Variants in DAB2IP observed in about 807,000 individuals in gnomAD.
The protein encoded by DAB2IP is DAB2 interacting protein.
Under a neutral mutation model 107.2 loss-of-function variants are expected in DAB2IP, and 28 were observed. The observed-to-expected ratio is 0.26, with a 90% confidence interval of 0.19 to 0.36. DAB2IP has a LOEUF of 0.36. Ranked by LOEUF, DAB2IP falls within the 10% of genes least tolerant of loss-of-function variation. The probability of loss-of-function intolerance (pLI) is 1.00; values close to 1 mark genes in which losing one functional copy is unlikely to be tolerated. For missense variants in DAB2IP, 1,400 were observed against 1,644.7 expected (o/e 0.85, Z 2.57); for synonymous variants, 755 against 706.4 (o/e 1.07, Z -1.09).
intron 1 of DAB2IP, among the ~76,000 whole-genome samples, chr9:121,618,274 G>A (rs1831347846): frequency 1.3e-5 from 2 of 152,196 alleles, no homozygotes; most frequent in Admixed American, 1.3e-4. Flanking sequence ...GAGGGTGCTG[G>A]CCCCAGAAGA....
chr9:121,772,696 C>A lies in DAB2IP; in HGVS notation c.2168C>A (p.Pro723His). 1 of 1,614,062 alleles carries A rather than the reference C, an allele frequency of 6.2e-7. No individual in the cohort carries two copies. Among genetic ancestry groups the A allele is most frequent in the Non-Finnish European group, 8.5e-7 (1 of 1,180,026 alleles). ...AGGTCCTCCGGGGTCCAGCCCTCAC[C>A]TGCCCGCAGCTCGAGTTACTCGGAA... The change falls in exon 12 of 16, where the codon CCT becomes CAT. Residue 723 changes from proline to histidine, a missense_variant. Physicochemically the swap from Pro to His is moderately conservative, Grantham distance 77 (BLOSUM62 -2). This residue lies in a region of DAB2IP where 600 missense variants were observed against 659.1 expected (regional missense o/e 0.91). Transcript: ENST00000408936. The surrounding 1 kb of genome is among the most constrained non-coding windows in gnomAD (Gnocchi z 4.7).
chr9:121,675,654 C>T (rs1360730236), intron 1 of DAB2IP, among the ~76,000 whole-genome samples: 2 of 152,224 alleles, frequency 1.3e-5, no homozygotes, highest in African/African-American at 2.4e-5. Flanking sequence ...TCGGTCCAGA[C>T]ACACTGGACC....
Position 121,767,811 on chromosome 9 carries a change from G to C in DAB2IP, c.1698-621G>C, listed in dbSNP as rs371497621. On this transcript the variant is annotated intron_variant, in intron 9 of 15. Transcript: ENST00000408936. ...GCAGAAAATTCGCAGGGAGGGGAGC[G>C]GGTACAGGAGGCAGTGGCTGCAAGG... Among the ~76,000 whole-genome samples the C allele has an allele frequency of 5.3e-5, 8 of 152,264 alleles. No homozygotes were observed. The South Asian group carries it at 8.3e-4, about 16-fold the overall frequency.
intron 2 of DAB2IP, among the ~76,000 whole-genome samples, chr9:121,685,013 C>T (rs929445119): frequency 6.6e-6 from 1 of 152,120 alleles, no homozygotes; most frequent in African/African-American, 2.4e-5. Context: ...CCATGGGCGC[C>T]CCAGTTTTCT....
intron 3 of DAB2IP, among the ~76,000 whole-genome samples, chr9:121,749,735 T>G (rs1222624589): frequency 7.9e-5 from 12 of 152,222 alleles, no homozygotes. Flanking sequence ...TAAAGAAATT[T>G]GAGGCATCCC....
rs116840228 is a variant in DAB2IP at position 121,593,423 on chromosome 9, G to A, written c.40+26195G>A. 8.2e-3 allele frequency among the ~76,000 whole-genome samples: 1,252 copies of A among 151,974 alleles called. 11 individuals carry two copies. Among genetic ancestry groups the A allele is most frequent in the African/African-American group, 0.029 (1,194 of 41,466 alleles). On this transcript the variant is annotated intron_variant, in intron 1 of 16. Transcript: ENST00000259371. ...GCTGGGATCACAGATGCATGCTACC[G>A]TGCTCGGCTAATTGTCTTTTCAATT...
chr9:121,775,369 C>T (rs572598999), intron 13 of DAB2IP, among the ~76,000 whole-genome samples: 4 of 152,244 alleles, frequency 2.6e-5, no homozygotes, highest in Non-Finnish European at 5.9e-5. Flanking sequence ...CTACATCCAC[C>T]TGCTTTCACC....
intron 1 of DAB2IP, among the ~76,000 whole-genome samples, chr9:121,654,757 A>G (rs1205713839): frequency 2.0e-5 from 3 of 152,186 alleles, no homozygotes; most frequent in Non-Finnish European, 4.4e-5. Flanking sequence ...GCTTGGTCCC[A>G]TGGTGTGGTA....
chr9:121,690,152 A>G (rs1452423743), intron 2 of DAB2IP, among the ~76,000 whole-genome samples: 1 of 152,216 alleles, frequency 6.6e-6, no homozygotes. Context: ...GCGTGTTGGA[A>G]GAGCCCTCAT....
At position 121,685,235 on chromosome 9, in the gene DAB2IP, G is replaced by A. The variant is rs142264534; in HGVS notation, c.228+6454G>A. ...CAAAAGGAACATTACCGTCATTTTG[G>A]TCTGTGTCTGCCTTCCGCGGGGGGC... On this transcript the variant is annotated intron_variant, in intron 2 of 15. Coordinates refer to ENST00000408936, the Ensembl canonical transcript of DAB2IP. Among the ~76,000 whole-genome samples the A allele has an allele frequency of 4.0e-3, 604 of 152,340 alleles. 2 individuals carry two copies. Among genetic ancestry groups the A allele is most frequent in the Admixed American group, 6.7e-3 (102 of 15,308 alleles).
intron 3 of DAB2IP, among the ~76,000 whole-genome samples, chr9:121,732,681 G>GCAGCT (rs1831616321): frequency 6.6e-6 from 1 of 152,210 alleles, no homozygotes; most frequent in South Asian, 2.1e-4. Flanking sequence ...TTGAACACTG[G>GCAGCT]CAGCTCAGAC....
intron 1 of DAB2IP, among the ~76,000 whole-genome samples, chr9:121,610,136 T>G (rs1336962800): frequency 1.3e-5 from 2 of 152,174 alleles, no homozygotes; most frequent in Non-Finnish European, 2.9e-5. Context: ...AACTGTGGGC[T>G]TGGGGAAGCT....
At chr9:121,680,931 C>T (rs1169495115) in intron 2 of DAB2IP, among the ~76,000 whole-genome samples, 13 of 151,790 alleles carry the variant, frequency 8.6e-5, no homozygotes, top group African/African-American at 2.7e-4. Context: ...TTAGTAGAGA[C>T]GGGGTTTCAC....
chr9:121,630,808 A>G (rs1287763681), intron 1 of DAB2IP, among the ~76,000 whole-genome samples: 1 of 151,880 alleles, frequency 6.6e-6, no homozygotes, highest in Non-Finnish European at 1.5e-5. Context: ...GGGTTTCACC[A>G]TGTTGGCCAG....
chr9:121,752,141 C>T (rs1589642070), intron 3 of DAB2IP, among the ~76,000 whole-genome samples: 1 of 152,308 alleles, frequency 6.6e-6, no homozygotes, highest in East Asian at 1.9e-4. Context: ...CATACTTGGA[C>T]AGAGCAAGGG....
intron 1 of DAB2IP, among the ~76,000 whole-genome samples, chr9:121,595,523 A>C (rs1454825315): frequency 6.6e-6 from 1 of 151,482 alleles, no homozygotes; most frequent in Non-Finnish European, 1.5e-5. Context: ...GAATCCCTTG[A>C]TCCTGGGAGG....
At chr9:121,610,363 C>A (rs1831049525) in intron 1 of DAB2IP, among the ~76,000 whole-genome samples, 1 of 152,296 alleles carries the variant, frequency 6.6e-6, no homozygotes, top group African/African-American at 2.4e-5. Context: ...CATGGACCAG[C>A]CACTCGGCTC....
chr9:121,700,907 C>T (rs1829741267), intron 3 of DAB2IP, among the ~76,000 whole-genome samples: 1 of 152,188 alleles, frequency 6.6e-6, no homozygotes, highest in South Asian at 2.1e-4. Context: ...TGCAGCCAGG[C>T]CAGAGCTCAG....
chr9:121,661,942 C>T (rs1589471466), intron 1 of DAB2IP, among the ~76,000 whole-genome samples: 2 of 151,742 alleles, frequency 1.3e-5, no homozygotes, highest in South Asian at 4.1e-4. Flanking sequence ...GATCGCACCA[C>T]TGCACTCCGC....
Sources: gnomAD v4.1 joint callset for allele counts (sites outside exome capture counted in the v4.1 genomes callset) on GRCh38, gnomAD v4.1.1 for gene constraint, gnomAD v4.1.1 regional missense constraint, Gnocchi (gnomAD v3.1) non-coding constraint, MANE v1.5 for transcripts, NCBI Gene and HGNC (gene_info 2026-07-23, HGNC 2026-07-21) for gene names.